The following DEPDC1B variants were observed in gnomAD, a reference collection of about 807,000 sequenced individuals.
DEPDC1B encodes DEP domain containing 1B.
DEPDC1B carries 51 observed loss-of-function variants against 66.5 expected under a neutral mutation model. That is an observed-to-expected ratio of 0.77 (90% CI 0.61 to 0.97). The LOEUF is 0.97. DEPDC1B is among the 50% of genes least tolerant of loss of function. The pLI is 0.00. For synonymous variants in DEPDC1B, 226 were observed against 223.6 expected (o/e 1.01, Z -0.10); for missense variants, 552 against 637.1 (o/e 0.87, Z 1.44).
chr5:60,633,298 GCCTT>G (rs759405448), intron 7 of DEPDC1B, among the ~76,000 whole-genome samples: 3 of 152,164 alleles, frequency 2.0e-5, no homozygotes, highest in Non-Finnish European at 4.4e-5. Flanking sequence ...TGGCCCTGCT[GCCTT>G]CCTTGCCTCT....
chr5:60,650,584 A>T (rs1299424559), intron 2 of DEPDC1B, among the ~76,000 whole-genome samples: 1 of 152,230 alleles, frequency 6.6e-6, no homozygotes, highest in Non-Finnish European at 1.5e-5. Flanking sequence ...ATGGGCCTAA[A>T]CAAAGACAAT....
At position 60,700,049 on chromosome 5, in the gene DEPDC1B, C is replaced by T; in HGVS notation, c.45G>A (p.Arg15=). ...AGGCCCCAGCACACTCACTCACCAG[C>T]CTGGTAGCTCGGTACGGCCCGGGCC... ...IVGPGPYRAT[R]LWNETVELFR... is the part of the protein sequence containing the mutation. The change falls in exon 1 of 11, where the codon AGG becomes AGA. Residue 15 remains arginine (R), a synonymous_variant. Coordinates refer to ENST00000265036, the MANE Select transcript of DEPDC1B (RefSeq NM_018369.3). 6.4e-7 allele frequency: 1 copy of T among 1,557,882 alleles called. No homozygotes were observed.
At chr5:60,671,005 C>T (rs1031019302) in intron 2 of DEPDC1B, among the ~76,000 whole-genome samples, 4 of 152,152 alleles carry the variant, frequency 2.6e-5, no homozygotes, top group African/African-American at 9.7e-5. Flanking sequence ...CATGGCACTT[C>T]CTGATACTTC....
At chr5:60,697,582 CTT>C (rs1377320430) in intron 1 of DEPDC1B, among the ~76,000 whole-genome samples, 3 of 152,114 alleles carry the variant, frequency 2.0e-5, no homozygotes, top group Non-Finnish European at 4.4e-5. Flanking sequence ...CAATTACAGA[CTT>C]TACAATGGAA....
At chr5:60,623,385 C>A (rs571213942) in intron 7 of DEPDC1B, among the ~76,000 whole-genome samples, 1 of 152,230 alleles carries the variant, frequency 6.6e-6, no homozygotes, top group South Asian at 2.1e-4. Flanking sequence ...TACAGGAAGA[C>A]TTTACAGTAA....
intron 2 of DEPDC1B, among the ~76,000 whole-genome samples, chr5:60,654,550 G>A (rs1418184949): frequency 6.7e-6 from 1 of 148,558 alleles, no homozygotes; most frequent in Non-Finnish European, 1.5e-5. Context: ...GGTTTTCTAT[G>A]TATACGATCA....
intron 3 of DEPDC1B, 66 bp downstream of exon 3, chr5:60,647,332 A>C: frequency 1.3e-6 from 2 of 1,498,536 alleles, no homozygotes; most frequent in Middle Eastern, 1.8e-4. Context: ...AGAAAGACCA[A>C]GCCTAGGAGT....
chr5:60,638,796 C>T lies in DEPDC1B; in HGVS notation c.852G>A (p.Glu284=), dbSNP rs1753118369. The T allele has an allele frequency of 1.9e-6, 3 of 1,612,424 alleles. No individual in the cohort carries two copies. Among genetic ancestry groups the T allele is most frequent in the East Asian group, 2.2e-5 (1 of 44,690 alleles). ...TIADYYGHLK[E]PLLTFHLFDA... is the part of the protein sequence containing the mutation. ...CAAAAAGATGAAATGTAAGTAGAGGCTCTTTCAAGTGACCATAGTAATCAG... is the reference window on the plus strand; with the variant it reads ...CAAAAAGATGAAATGTAAGTAGAGGTTCTTTCAAGTGACCATAGTAATCAG... The change falls in exon 7 of 11, where the codon GAG becomes GAA. Residue 284 remains glutamate, a synonymous_variant. Transcript: ENST00000265036.
At chr5:60,667,982 A>T (rs1290929615) in intron 2 of DEPDC1B, among the ~76,000 whole-genome samples, 1 of 118,294 alleles carries the variant, frequency 8.5e-6, no homozygotes, top group Non-Finnish European at 1.6e-5. Flanking sequence ...TATATATATA[A>T]AATGGATATT....
At chr5:60,658,704 G>C (rs1252553060) in intron 2 of DEPDC1B, among the ~76,000 whole-genome samples, 1 of 152,226 alleles carries the variant, frequency 6.6e-6, no homozygotes, top group Non-Finnish European at 1.5e-5. Flanking sequence ...GAGCACAGGG[G>C]GAGGGACAAT....
intron 2 of DEPDC1B, among the ~76,000 whole-genome samples, chr5:60,662,195 T>G (rs925598080): frequency 6.6e-5 from 10 of 152,036 alleles, no homozygotes; most frequent in Non-Finnish European, 1.3e-4. Context: ...GAGACCATCC[T>G]GGCTAACACA....
chr5:60,652,300 C>T (rs568703553), intron 2 of DEPDC1B, among the ~76,000 whole-genome samples: 1 of 149,156 alleles, frequency 6.7e-6, no homozygotes, highest in African/African-American at 2.5e-5. Context: ...AAACCATCAC[C>T]GTGTATCCTC....
intron 8 of DEPDC1B, among the ~76,000 whole-genome samples, chr5:60,603,811 A>G (rs904014198): frequency 7.1e-6 from 1 of 140,484 alleles, no homozygotes; most frequent in Non-Finnish European, 1.5e-5. Flanking sequence ...CTCCTTTTAC[A>G]CGATTTTAAA....
At chr5:60,647,705 A>C in intron 2 of DEPDC1B, 172 bp from the exon 3 acceptor site, 1 of 536,720 alleles carries the variant, frequency 1.9e-6, no homozygotes, top group Non-Finnish European at 2.9e-6. Flanking sequence ...TACCTGATAA[A>C]GAAAAGAAAG....
chr5:60,666,462 C>A (rs910093339), intron 2 of DEPDC1B, among the ~76,000 whole-genome samples: 7 of 152,144 alleles, frequency 4.6e-5, no homozygotes, highest in Admixed American at 1.3e-4. Context: ...CCCCATAACA[C>A]CTCGATGTGG....
intron 2 of DEPDC1B, among the ~76,000 whole-genome samples, chr5:60,664,207 G>C (rs999695966): frequency 6.6e-5 from 10 of 152,192 alleles, no homozygotes; most frequent in Non-Finnish European, 1.2e-4. Context: ...AGCTCTAGGA[G>C]TCCTTACACA....
At chr5:60,649,358 T>A (rs1753390279) in intron 2 of DEPDC1B, among the ~76,000 whole-genome samples, 1 of 152,114 alleles carries the variant, frequency 6.6e-6, no homozygotes, top group Admixed American at 6.5e-5. Context: ...ACTGAAGAAA[T>A]ACCAGGAAAT....
chr5:60,606,512 C>T (rs569119874), intron 7 of DEPDC1B, among the ~76,000 whole-genome samples: 1 of 150,252 alleles, frequency 6.7e-6, no homozygotes, highest in East Asian at 2.0e-4. Context: ...GTGGCTCACG[C>T]CTGTAATCTC....
chr5:60,614,304 G>A (rs772916243), intron 7 of DEPDC1B, among the ~76,000 whole-genome samples: 8 of 152,158 alleles, frequency 5.3e-5, no homozygotes, highest in Non-Finnish European at 1.2e-4. Flanking sequence ...GTTTTGGGGT[G>A]TTTTTATTTT....
Sources: allele counts gnomAD v4.1 joint callset (sites outside exome capture counted in the v4.1 genomes callset), GRCh38; gene constraint gnomAD v4.1.1; transcripts MANE v1.5; gene names NCBI Gene and HGNC (gene_info 2026-07-23, HGNC 2026-07-21).